CDKL5: variants seen among roughly 807,000 people sequenced by gnomAD.
The protein encoded by CDKL5 is cyclin dependent kinase like 5, also known as cyclin-dependent kinase-like 5.
In CDKL5, 8 loss-of-function variants were observed where a neutral mutation model predicts 61.7. The ratio of observed to expected loss-of-function variants is 0.13; its 90% CI spans 0.08 to 0.23. The LOEUF is 0.23. Among genes scored for constraint, CDKL5 ranks in the 10% least tolerant of loss-of-function variants. The pLI is 1.00. For synonymous variants in CDKL5, 275 were observed against 272.3 expected (o/e 1.01, Z -0.10); for missense variants, 440 against 734.5 (o/e 0.60, Z 4.63).
chrX:18,468,443 G>A (rs1602208439), intron 1 of CDKL5, among the ~76,000 whole-genome samples: 1 of 112,113 alleles, frequency 8.9e-6, no homozygotes, highest in Middle Eastern at 4.6e-3. Flanking sequence ...TTCTTGAGTT[G>A]GAGCTGAAGA....
At chrX:18,510,620 A>G (rs1310947705) in intron 2 of CDKL5, among the ~76,000 whole-genome samples, 200 bp from the exon 3 acceptor site, 1 of 112,681 alleles carries the variant, frequency 8.9e-6, no homozygotes, top group Non-Finnish European at 1.9e-5. Flanking sequence ...TTGTTGGAAG[A>G]AATGACTTGT....
intron 1 of CDKL5, among the ~76,000 whole-genome samples, chrX:18,436,186 G>A (rs1352676423): frequency 9.0e-6 from 1 of 111,461 alleles, no homozygotes; most frequent in Non-Finnish European, 1.9e-5. Context: ...AAGAGGAAGT[G>A]GATCATTATA....
At chrX:18,531,969 G>A (rs1923663907) in intron 3 of CDKL5, among the ~76,000 whole-genome samples, 1 of 109,774 alleles carries the variant, frequency 9.1e-6, no homozygotes, top group African/African-American at 3.3e-5. Context: ...GCCTCCCAAA[G>A]TGCTGGGATT....
intron 1 of CDKL5, among the ~76,000 whole-genome samples, chrX:18,488,043 A>T (rs1482029865): frequency 1.8e-5 from 2 of 111,998 alleles, no homozygotes; most frequent in Non-Finnish European, 3.8e-5. Context: ...TTGAAATTCA[A>T]ATACTACTTA....
chrX:18,633,304 G>A lies in CDKL5; in HGVS notation c.*4547G>A, dbSNP rs2147182236. 1 of 752,486 alleles carries A rather than the reference G, an allele frequency of 1.3e-6. No individual in the cohort carries two copies. Among genetic ancestry groups the A allele is most frequent in the East Asian group, 1.5e-4 (1 of 6,610 alleles). The allele number at this position is 752,486 out of a possible 1,213,427, so 62.0% of individuals were successfully genotyped here. On this transcript the variant is annotated 3_prime_UTR_variant, in exon 18 of 18. Transcript: ENST00000623535. ...CCTCCTTCAGTTCATCACTAAGAAA[G>A]TGTGTAGGCAGAGAAAACTTACTTA... is the stretch of plus-strand genomic sequence containing the variant.
Position 18,613,369 on chromosome X carries a change from C to T in CDKL5, c.2276+94C>T, listed in dbSNP as rs970580297. The T allele has an allele frequency of 1.0e-5, 8 of 787,985 alleles. 1 individual carries two copies. The highest frequency in any genetic ancestry group is 2.9e-5 in the Admixed American group (1 of 34,433). The allele number at this position is 787,985 out of a possible 1,213,427, so 64.9% of individuals were successfully genotyped here. Reference sequence around the variant, plus strand: ...GGATGAGCTTTTTAGTGTCCTTTCTCCTGCTAGGCCTTTTTTTCTCTAGAT... The same window carrying T: ...GGATGAGCTTTTTAGTGTCCTTTCTTCTGCTAGGCCTTTTTTTCTCTAGAT... On this transcript the variant is annotated intron_variant, in intron 15 of 17. Transcript: ENST00000623535.
intron 1 of CDKL5, among the ~76,000 whole-genome samples, chrX:18,435,773 G>A (rs899478393): frequency 9.0e-6 from 1 of 111,001 alleles, no homozygotes; most frequent in Non-Finnish European, 1.9e-5. Flanking sequence ...CACTATGTTG[G>A]CCAGGCTGAT....
In CDKL5 at chrX:18,588,443, T is replaced by C. The variant is rs1271344141; in HGVS notation, c.744+300T>C. The C allele has an allele frequency of 2.9e-5, 6 of 208,338 alleles. No homozygotes were observed. In the East Asian group the frequency reaches 7.2e-4, roughly 25 times the overall value. 17.2% of individuals were successfully genotyped at this position (208,338 alleles called of 1,213,427 possible). On this transcript the variant is annotated intron_variant, in intron 9 of 17. Coordinates refer to ENST00000623535, the MANE Select transcript of CDKL5 (RefSeq NM_001323289.2). ...TTGGTTATCTTATATTGTTTCTTTA[T>C]CCAAAATATTAAGCATCCCCCAAAT...
At chrX:18,514,327 G>A (rs1308328777) in intron 3 of CDKL5, among the ~76,000 whole-genome samples, 1 of 110,870 alleles carries the variant, frequency 9.0e-6, no homozygotes, top group Non-Finnish European at 1.9e-5. Flanking sequence ...ATAATAAGTT[G>A]TTATATATAC....
chrX:18,543,037 G>A (rs1602251191), intron 3 of CDKL5, among the ~76,000 whole-genome samples: 1 of 110,765 alleles, frequency 9.0e-6, no homozygotes, highest in Non-Finnish European at 1.9e-5. Context: ...CAGCCTCACT[G>A]ATCTCATCAG....
chrX:18,462,699 C>A (rs1057120405), intron 1 of CDKL5, among the ~76,000 whole-genome samples: 1 of 111,358 alleles, frequency 9.0e-6, no homozygotes, highest in Non-Finnish European at 1.9e-5. Flanking sequence ...AGTGAGCCAA[C>A]AAACTTTTTT....
In CDKL5 at chrX:18,636,141, T is replaced by C. The variant is rs1016450403; in HGVS notation, c.*7384T>C. On this transcript the variant is annotated 3_prime_UTR_variant, in exon 18 of 18. Coordinates refer to ENST00000623535, the MANE Select transcript of CDKL5 (RefSeq NM_001323289.2). ...CTCTTTCTAAACAAAGGGTAGGAGC[T>C]GAAAGTCAGTGCTCTCCATTCTTAA... 9.9e-5 allele frequency: 11 copies of C among 110,678 alleles called. No homozygotes were observed. Among genetic ancestry groups the C allele is most frequent in the African/African-American group, 3.6e-4 (11 of 30,492 alleles). The allele number at this position is 110,678 out of a possible 1,213,427, so 9.1% of individuals were successfully genotyped here. A position where few individuals can be genotyped will look rare whatever the true frequency, so the allele number is the denominator to read the frequency against.
downstream of CDKL5, among the ~76,000 whole-genome samples, chrX:18,645,176 C>T (rs915655485): frequency 1.8e-5 from 2 of 112,097 alleles, no homozygotes; most frequent in African/African-American, 6.5e-5. Context: ...CCTCATAAAT[C>T]GTGGAAACCT....
intron 3 of CDKL5, among the ~76,000 whole-genome samples, chrX:18,514,360 T>C (rs1693900362): frequency 9.0e-6 from 1 of 111,382 alleles, no homozygotes; most frequent in African/African-American, 3.3e-5. Flanking sequence ...ATATGAAAAC[T>C]CTTAGCAGTG....
At position 18,645,425 on chromosome X, in the gene CDKL5, C is replaced by A. The variant is rs964080841; in HGVS notation, c.2714-582C>A. Among the ~76,000 whole-genome samples the A allele has an allele frequency of 1.5e-4, 16 of 110,304 alleles. No homozygotes were observed. The East Asian group carries it at 4.3e-3, about 30-fold the overall frequency. On this transcript the variant is annotated intron_variant, in intron 19 of 21. Coordinates refer to the CDKL5 transcript ENST00000379989. ...CAGATGAAACACGTCCCAATGTGAG[C>A]CCCTAAGTGCCCCCACCCCACCCTG...
At chrX:18,481,480 G>A (rs887712925) in intron 1 of CDKL5, among the ~76,000 whole-genome samples, 1 of 106,131 alleles carries the variant, frequency 9.4e-6, no homozygotes, top group Non-Finnish European at 1.9e-5. Context: ...AGCCTCCAGA[G>A]TAACTGGGGC....
chrX:18,472,021 A>G (rs1921115239), intron 1 of CDKL5, among the ~76,000 whole-genome samples: 2 of 112,251 alleles, frequency 1.8e-5, no homozygotes, highest in African/African-American at 6.5e-5. Context: ...GATTACAGGC[A>G]TGAGGCTCTG....
intron 4 of CDKL5, 118 bp downstream of exon 4, chrX:18,564,640 C>CCT (rs1924909121): frequency 9.1e-6 from 2 of 219,178 alleles, no homozygotes; most frequent in Non-Finnish European, 1.6e-5. Context: ...CTGTCTATTC[C>CCT]TGATATTTTG....
chrX:18,543,135 T>G (rs781212508), intron 3 of CDKL5, among the ~76,000 whole-genome samples: 1 of 110,412 alleles, frequency 9.1e-6, no homozygotes, highest in East Asian at 2.8e-4. Flanking sequence ...GAAACCTCAG[T>G]GGGGTGGTGC....
Sources: allele counts gnomAD v4.1 joint callset (sites outside exome capture counted in the v4.1 genomes callset), GRCh38; gene constraint gnomAD v4.1.1; transcripts MANE v1.5; gene names NCBI Gene and HGNC (gene_info 2026-07-23, HGNC 2026-07-21).